The following HHAT variants were observed in gnomAD, a reference collection of about 807,000 sequenced individuals.
The protein encoded by HHAT is protein-cysteine N-palmitoyltransferase HHAT.
A neutral mutation model predicts 70.8 loss-of-function variants in HHAT; 47 were observed. That is an observed-to-expected ratio of 0.66 (90% CI 0.53 to 0.85). The LOEUF is 0.85. Ranked by LOEUF, HHAT falls within the 40% of genes least tolerant of loss-of-function variation. The pLI is 0.00. For synonymous variants in HHAT, 228 were observed against 247.6 expected (o/e 0.92, Z 0.74); for missense variants, 609 against 604.8 (o/e 1.01, Z -0.07).
intron 9 of HHAT, among the ~76,000 whole-genome samples, chr1:210,581,410 G>A (rs1049914468): frequency 8.5e-5 from 13 of 152,206 alleles, no homozygotes. Flanking sequence ...TACTGCCCAT[G>A]AGAGCTGGGC....
At chr1:210,410,857 T>G (rs1325395571) in intron 6 of HHAT, among the ~76,000 whole-genome samples, 1 of 152,176 alleles carries the variant, frequency 6.6e-6, no homozygotes, top group Admixed American at 6.5e-5. Flanking sequence ...TTTCTGTTGC[T>G]TGGAGCAGGG....
intron 8 of HHAT, among the ~76,000 whole-genome samples, chr1:210,507,378 T>C (rs980623005): frequency 5.3e-5 from 8 of 149,554 alleles, no homozygotes; most frequent in African/African-American, 1.7e-4. Flanking sequence ...TTTTTTTTTT[T>C]GAGACGGAGT....
Position 210,655,819 on chromosome 1 carries a change from C to G in HHAT, c.1391-18469C>G, listed in dbSNP as rs139186302. ...TTACAGACAAATGCCCCTCCTCTCC[C>G]TGCTTCTGCAGTGGTCTTTTAGCTT... On this transcript the variant is annotated intron_variant, in intron 11 of 11. Transcript: ENST00000261458. Among the ~76,000 whole-genome samples the G allele has an allele frequency of 3.3e-3, 502 of 152,346 alleles. 2 individuals carry two copies. Among genetic ancestry groups the G allele is most frequent in the African/African-American group, 0.011 (462 of 41,580 alleles).
In HHAT at chr1:210,414,726, G is replaced by T. The variant is rs559591116; in HGVS notation, c.685-3428G>T. Among the ~76,000 whole-genome samples, 8 of 152,190 alleles carry T rather than the reference G, an allele frequency of 5.3e-5. No homozygotes were observed. In the East Asian group the frequency reaches 1.5e-3, roughly 29 times the overall value. On this transcript the variant is annotated intron_variant, in intron 6 of 11. Coordinates refer to ENST00000261458, the MANE Select transcript of HHAT (RefSeq NM_018194.6). ...ATTACTTTTTCTCTGATTTAAAAAAGAACCAATTTGGCTGGGTGTGATGGC... is the reference window on the plus strand; with the variant it reads ...ATTACTTTTTCTCTGATTTAAAAAATAACCAATTTGGCTGGGTGTGATGGC...
At chr1:210,546,974 C>A (rs1354085083) in intron 9 of HHAT, among the ~76,000 whole-genome samples, 2 of 151,084 alleles carry the variant, frequency 1.3e-5, no homozygotes, top group Non-Finnish European at 2.9e-5. Flanking sequence ...CTCTCTGGAC[C>A]CTTTCAAATG....
chr1:210,648,220 G>A (rs551129293), intron 11 of HHAT, among the ~76,000 whole-genome samples: 246 of 152,290 alleles, frequency 1.6e-3, no homozygotes, highest in African/African-American at 5.7e-3. Flanking sequence ...CATTATATGA[G>A]TAATAACCTT....
chr1:210,625,738 A>G (rs1669713163), intron 11 of HHAT, among the ~76,000 whole-genome samples: 1 of 152,226 alleles, frequency 6.6e-6, no homozygotes, highest in African/African-American at 2.4e-5. Flanking sequence ...CTGACAGTTC[A>G]ATACAAATCC....
intron 7 of HHAT, among the ~76,000 whole-genome samples, chr1:210,444,664 T>C (rs1301204107): frequency 6.6e-6 from 1 of 152,144 alleles, no homozygotes; most frequent in East Asian, 1.9e-4. Flanking sequence ...CTGATGGTAG[T>C]TTGTATTTCT....
intron 9 of HHAT, among the ~76,000 whole-genome samples, chr1:210,566,998 G>A (rs1654917263): frequency 6.6e-6 from 1 of 152,198 alleles, no homozygotes; most frequent in South Asian, 2.1e-4. Context: ...ACCCCTTGAT[G>A]CTTCTATGGG....
At chr1:210,453,733 A>G (rs2093803177) in intron 7 of HHAT, among the ~76,000 whole-genome samples, 1 of 152,202 alleles carries the variant, frequency 6.6e-6, no homozygotes, top group African/African-American at 2.4e-5. Context: ...TTTGCTTTCT[A>G]AAGGGATTCT....
chr1:210,491,191 C>T (rs919423822), intron 8 of HHAT, among the ~76,000 whole-genome samples: 2 of 152,078 alleles, frequency 1.3e-5, no homozygotes, highest in Admixed American at 6.5e-5. Context: ...AAGCCTGATT[C>T]AAGCCTCTCA....
intron 11 of HHAT, among the ~76,000 whole-genome samples, chr1:210,670,595 A>G (rs34536170): frequency 0.066 from 10,094 of 152,182 alleles, 477 homozygotes; most frequent in Middle Eastern, 0.11. Flanking sequence ...ATGTGACTTC[A>G]TTTGGAATCA....
rs778779046 is a variant in HHAT, at chr1:210,340,256, A to AGGG, written c.-43-8677_-43-8676insGGG. ...ACTCTGTCTCAGAAAAAAAAAAAAA[A>AGGG]AAAAAAAAAAAAGACTCAAGTGGGG... On this transcript the variant is annotated intron_variant, in intron 1 of 11. Transcript: ENST00000261458. 2.4e-3 allele frequency among the ~76,000 whole-genome samples: 362 copies of AGGG among 151,110 alleles called. 5 individuals carry two copies. The highest frequency in any genetic ancestry group is 4.0e-3 in the Non-Finnish European group (269 of 67,666).
intron 11 of HHAT, chr1:210,631,140 A>ACCT (rs1670785613): frequency 2.2e-6 from 1 of 455,788 alleles, no homozygotes. Context: ...TATAGAAAAC[A>ACCT]CCTCCGAATT....
intron 1 of HHAT, 65 bp from the exon 2 acceptor site, chr1:210,348,868 T>A: frequency 6.8e-7 from 1 of 1,475,096 alleles, no homozygotes; most frequent in Non-Finnish European, 9.1e-7. Context: ...ACTAACTGAA[T>A]TGATGTTTAG....
intron 10 of HHAT, among the ~76,000 whole-genome samples, chr1:210,592,879 C>T (rs372561809): frequency 4.8e-5 from 7 of 145,496 alleles, no homozygotes; most frequent in African/African-American, 2.5e-5. Flanking sequence ...ACCAACTTTT[C>T]TTTTTTTTTT....
At position 210,675,517 on chromosome 1, in the gene HHAT, A is replaced by G. The variant is rs1192829587; in HGVS notation, c.*1138A>G. ...GGTATAAAGGAGGCTTAAAATTTGAATCCATAATATATCTAATTACAGGAG... is the reference window on the plus strand; with the variant it reads ...GGTATAAAGGAGGCTTAAAATTTGAGTCCATAATATATCTAATTACAGGAG... On this transcript the variant is annotated 3_prime_UTR_variant, in exon 12 of 12. Coordinates refer to ENST00000261458, the MANE Select transcript of HHAT (RefSeq NM_018194.6). The G allele has an allele frequency of 2.6e-5, 4 of 151,924 alleles. No homozygotes were observed. Among genetic ancestry groups the G allele is most frequent in the Non-Finnish European group, 5.9e-5 (4 of 68,008 alleles). 9.4% of individuals were successfully genotyped at this position (151,924 alleles called of 1,614,324 possible).
At chr1:210,368,830 C>A (rs941441649) in intron 3 of HHAT, among the ~76,000 whole-genome samples, 1 of 152,078 alleles carries the variant, frequency 6.6e-6, no homozygotes, top group African/African-American at 2.4e-5. Flanking sequence ...GTAATCCCAG[C>A]ACTTTGGGAG....
intron 8 of HHAT, among the ~76,000 whole-genome samples, chr1:210,509,783 A>G (rs952262653): frequency 2.0e-5 from 3 of 152,222 alleles, no homozygotes; most frequent in Non-Finnish European, 4.4e-5. Context: ...CACATGATCC[A>G]AGGAAAGTGA....
Sources: gnomAD v4.1 joint callset for allele counts (sites outside exome capture counted in the v4.1 genomes callset) on GRCh38, gnomAD v4.1.1 for gene constraint, MANE v1.5 for transcripts, NCBI Gene and HGNC (gene_info 2026-07-23, HGNC 2026-07-21) for gene names.